AKAP9: variants seen among roughly 807,000 people sequenced by gnomAD.
AKAP9 encodes A-kinase anchor protein 9.
AKAP9 carries 311 observed loss-of-function variants against 488.5 expected under a neutral mutation model. The ratio of observed to expected loss-of-function variants is 0.64; its 90% CI spans 0.58 to 0.70. The LOEUF (loss-of-function observed/expected upper bound fraction) is 0.70. Ranked by LOEUF, AKAP9 falls within the 30% of genes least tolerant of loss-of-function variation. The pLI, the probability that AKAP9 is intolerant of heterozygous loss-of-function variation, is 0.00. For synonymous variants in AKAP9, 1,462 were observed against 1,483.5 expected (o/e 0.99, Z 0.33); for missense variants, 4,215 against 4,374.5 (o/e 0.96, Z 1.03).
At chr7:92,086,101 T>G (rs1262528445) in intron 36 of AKAP9, 127 bp from the exon 37 acceptor site, 2 of 829,962 alleles carry the variant, frequency 2.4e-6, no homozygotes, top group East Asian at 5.4e-5. Context: ...AAGAAAAAAA[T>G]AAATAAATAA....
Position 92,089,407 on chromosome 7 carries a change from T to A in AKAP9, c.9236T>A (p.Met3079Lys), listed in dbSNP as rs769368151. ...CAGGGTGTTGAATATCAAGCAGCTA[T>A]GGAATGCCTCCAGAAAGCAGATAGA... ...QEQGVEYQAA[M>K]ECLQKADRRS... The change falls in exon 38 of 50, where the codon ATG becomes AAG. Residue 3079 changes from methionine (M) to lysine (K), a missense_variant. Met to Lys is a moderately conservative substitution (Grantham distance 95). Coordinates refer to ENST00000356239, the MANE Select transcript of AKAP9 (RefSeq NM_005751.5). 2.5e-6 allele frequency: 4 copies of A among 1,611,836 alleles called. No homozygotes were observed. The highest frequency in any genetic ancestry group is 3.4e-6 in the Non-Finnish European group (4 of 1,179,748).
At position 92,084,692 on chromosome 7, in the gene AKAP9, T is replaced by C. The variant is rs755097245; in HGVS notation, c.8699T>C (p.Ile2900Thr). 1.2e-6 allele frequency: 2 copies of C among 1,610,432 alleles called. No homozygotes were observed. The highest frequency in any genetic ancestry group is 1.7e-6 in the Non-Finnish European group (2 of 1,176,926). ...AHSDAYQTRE[I>T]CSSDSGSDWG... Reference sequence around the variant, plus strand: ...TCTGATGCTTACCAGACTAGAGAAATATGCTCCAGTGGTAAGTTATATAAA... The same window carrying C: ...TCTGATGCTTACCAGACTAGAGAAACATGCTCCAGTGGTAAGTTATATAAA... The change falls in exon 34 of 50, where the codon ATA (isoleucine) becomes ACA (threonine). Residue 2900 changes from isoleucine to threonine, a missense_variant. This residue lies in a region of AKAP9 where 1,476 missense variants were observed against 1,477.4 expected (regional missense o/e 1.00). Coordinates refer to ENST00000356239, the MANE Select transcript of AKAP9 (RefSeq NM_005751.5).
At chr7:92,042,221 A>G (rs1395473421) in intron 19 of AKAP9, 35 bp downstream of exon 19, 7 of 1,612,796 alleles carry the variant, frequency 4.3e-6, no homozygotes, top group African/African-American at 1.3e-5. Flanking sequence ...GGAGCAATGG[A>G]TCACCAATTC....
intron 36 of AKAP9, 107 bp downstream of exon 36, chr7:92,085,793 A>G (rs529218428): frequency 3.9e-6 from 3 of 764,830 alleles, no homozygotes; most frequent in Admixed American, 3.0e-5. Flanking sequence ...ATGAATAACT[A>G]TATATATATA....
At chr7:92,071,384 T>C (rs1043637100) in intron 28 of AKAP9, among the ~76,000 whole-genome samples, 1 of 146,282 alleles carries the variant, frequency 6.8e-6, no homozygotes. Context: ...TGCTTTGCTG[T>C]GTGGTTTTTT....
intron 7 of AKAP9, among the ~76,000 whole-genome samples, chr7:91,997,585 C>T (rs1244798363): frequency 6.6e-6 from 1 of 152,046 alleles, no homozygotes; most frequent in Non-Finnish European, 1.5e-5. Flanking sequence ...CAGGATGAAA[C>T]ATGTTAAAAA....
intron 1 of AKAP9, among the ~76,000 whole-genome samples, chr7:91,947,619 C>T (rs1214093216): frequency 2.6e-5 from 4 of 152,144 alleles, no homozygotes; most frequent in African/African-American, 9.7e-5. Context: ...GGATTACAGG[C>T]GTGAGCAACC....
chr7:92,052,198 C>G (rs183741739), intron 21 of AKAP9, among the ~76,000 whole-genome samples: 1 of 152,250 alleles, frequency 6.6e-6, no homozygotes, highest in East Asian at 1.9e-4. Context: ...AATTCAAGCA[C>G]TTATTTCTAT....
chr7:92,030,133 CA>C (rs1471237280), intron 15 of AKAP9, 142 bp downstream of exon 15: 36 of 633,540 alleles, frequency 5.7e-5, no homozygotes, highest in Admixed American at 8.9e-5. Flanking sequence ...ATAGAAAACT[CA>C]GAATACACAT....
At chr7:92,080,984 A>G (rs1813456371) in intron 31 of AKAP9, among the ~76,000 whole-genome samples, 2 of 152,204 alleles carry the variant, frequency 1.3e-5, no homozygotes, top group Admixed American at 6.5e-5. Context: ...AACACTGTGT[A>G]GTCATATTAT....
At chr7:92,098,266 G>C (rs1228384192) in intron 43 of AKAP9, 52 bp downstream of exon 43, 2 of 1,080,450 alleles carry the variant, frequency 1.9e-6, no homozygotes, top group African/African-American at 3.1e-5. Context: ...AGATTTAATA[G>C]AAACTGGATA....
rs148338139 is a variant in AKAP9, at chr7:92,064,465, T to C, written c.5978-766T>C. On this transcript the variant is annotated intron_variant, in intron 24 of 49. Transcript: ENST00000356239. ...GACACTCTTCTTTACATGTATTAAC[T>C]CATTTAATGCCAAAATAACTCTAAG... Among the ~76,000 whole-genome samples, 644 of 152,298 alleles carry C rather than the reference T, an allele frequency of 4.2e-3. 10 individuals carry two copies. The highest frequency in any genetic ancestry group is 0.025 in the Admixed American group (384 of 15,280).
At chr7:92,053,006 A>T in intron 22 of AKAP9, 48 bp downstream of exon 22, 1 of 1,448,420 alleles carries the variant, frequency 6.9e-7, no homozygotes. Flanking sequence ...AGTACAATAT[A>T]CTATCCCACT....
Position 92,001,376 on chromosome 7 carries a change from C to G in AKAP9, c.1459C>G (p.Gln487Glu), listed in dbSNP as rs1459315444. Residue 487 changes from glutamine (Q) to glutamate (E), a missense_variant, in exon 8 of 50, where the codon CAG (glutamine) becomes GAG (glutamate). Gln to Glu is a conservative substitution (Grantham distance 29, BLOSUM62 2). This residue lies in a region of AKAP9 where 2,361 missense variants were observed against 2,430.0 expected (regional missense o/e 0.97). Transcript: ENST00000356239. ...SYSNITVNEDQIKLMNVAINE... is the reference protein window; with the variant it reads ...SYSNITVNEDEIKLMNVAINE... ...TTCAAATATTACAGTTAATGAAGATCAGATAAAGTTAATGAATGTGGCAAT... is the reference window on the plus strand; with the variant it reads ...TTCAAATATTACAGTTAATGAAGATGAGATAAAGTTAATGAATGTGGCAAT... 6.2e-7 allele frequency: 1 copy of G among 1,613,666 alleles called. No individual in the cohort carries two copies. Among genetic ancestry groups the G allele is most frequent in the Non-Finnish European group, 8.5e-7 (1 of 1,179,734 alleles).
At position 91,962,790 on chromosome 7, in the gene AKAP9, G is replaced by C. The variant is rs529055175; in HGVS notation, c.49-10921G>C. ...TATCTATCCATTATCTTTTTAATTT[G>C]GGTTCATTTAGTAATGAATATTATT... is the stretch of plus-strand genomic sequence containing the variant. On this transcript the variant is annotated intron_variant, in intron 1 of 49. Transcript: ENST00000356239. Among the ~76,000 whole-genome samples the C allele has an allele frequency of 7.2e-5, 11 of 151,950 alleles. No homozygotes were observed. The South Asian group carries it at 1.5e-3, about 20-fold the overall frequency.
chr7:92,036,501 A>T (rs1805224623), intron 16 of AKAP9, among the ~76,000 whole-genome samples: 1 of 151,954 alleles, frequency 6.6e-6, no homozygotes, highest in Non-Finnish European at 1.5e-5. Flanking sequence ...TAATTCATTG[A>T]TCATCTTGAA....
chr7:91,984,492 T>TCTGTTTTGGTACCAGTATCATG, intron 3 of AKAP9, among the ~76,000 whole-genome samples: 2 of 152,190 alleles, frequency 1.3e-5, no homozygotes, highest in Non-Finnish European at 2.9e-5. Flanking sequence ...GGTCTATATC[T>TCTGTTTTGGTACCAGTATCATG]CTGTTTTGGT....
At chr7:91,976,322 A>C (rs1190139687) in intron 2 of AKAP9, among the ~76,000 whole-genome samples, 2 of 152,156 alleles carry the variant, frequency 1.3e-5, no homozygotes, top group Non-Finnish European at 2.9e-5. Context: ...CCCAGACTTC[A>C]GTGATCCTCC....
chr7:92,007,953 C>G (rs1800142699), intron 8 of AKAP9, among the ~76,000 whole-genome samples: 2 of 152,110 alleles, frequency 1.3e-5, no homozygotes, highest in Admixed American at 6.5e-5. Context: ...GCTAGAATAT[C>G]AGAGCATGTA....
Sources: gnomAD v4.1 joint callset for allele counts (sites outside exome capture counted in the v4.1 genomes callset) on GRCh38, gnomAD v4.1.1 for gene constraint, gnomAD v4.1.1 regional missense constraint, MANE v1.5 for transcripts, NCBI Gene and HGNC (gene_info 2026-07-23, HGNC 2026-07-21) for gene names.